PPP1R12A: variants seen among roughly 807,000 people sequenced by gnomAD.
The protein encoded by PPP1R12A is protein phosphatase 1 regulatory subunit 12A.
PPP1R12A carries 19 observed loss-of-function variants against 139.6 expected under a neutral mutation model. The ratio of observed to expected loss-of-function variants is 0.14; its 90% CI spans 0.09 to 0.20. The LOEUF (loss-of-function observed/expected upper bound fraction) is 0.20. Ranked by LOEUF, PPP1R12A falls within the 10% of genes least tolerant of loss-of-function variation. The pLI is 1.00. For missense variants in PPP1R12A, 925 were observed against 1,211.5 expected (o/e 0.76, Z 3.51); for synonymous variants, 427 against 420.6 (o/e 1.02, Z -0.19).
At chr12:79,817,075 G>GA (rs56898555) in intron 9 of PPP1R12A, among the ~76,000 whole-genome samples, 17 of 146,398 alleles carry the variant, frequency 1.2e-4, no homozygotes, top group South Asian at 6.5e-4. Context: ...AAGTTCAATA[G>GA]AAAAAAAAAA....
intron 2 of PPP1R12A, among the ~76,000 whole-genome samples, chr12:79,851,406 C>T (rs560612095): frequency 1.8e-4 from 27 of 152,268 alleles, no homozygotes; most frequent in African/African-American, 6.5e-4. Flanking sequence ...AAGTTCTGAC[C>T]TCAGACCTTT....
intron 1 of PPP1R12A, among the ~76,000 whole-genome samples, chr12:79,903,514 A>G (rs967074700): frequency 1.3e-5 from 2 of 152,170 alleles, no homozygotes; most frequent in African/African-American, 4.8e-5. Context: ...CATGAAGCGT[A>G]AATTAATTTC....
Position 79,934,722 on chromosome 12 carries a change from A to G in PPP1R12A, c.210T>C (p.Asn70=). The G allele has an allele frequency of 1.9e-6, 3 of 1,548,048 alleles. No individual in the cohort carries two copies. Among genetic ancestry groups the G allele is most frequent in the African/African-American group, 1.4e-5 (1 of 73,142 alleles). Reference sequence around the variant, plus strand: ...GGTGCAGGGCAGTGAGTCCGTCCACATTGGCGTAATTGATGTCGGCGCCGC... The same window carrying G: ...GGTGCAGGGCAGTGAGTCCGTCCACGTTGGCGTAATTGATGTCGGCGCCGC... ...LHRGADINYA[N]VDGLTALHQA... The change falls in exon 1 of 25, where the codon AAT becomes AAC. Residue 70 remains asparagine (N), a synonymous_variant. Coordinates refer to ENST00000450142, the MANE Select transcript of PPP1R12A (RefSeq NM_002480.3).
intron 3 of PPP1R12A, among the ~76,000 whole-genome samples, chr12:79,836,046 A>G (rs1016826045): frequency 6.6e-6 from 1 of 152,240 alleles, no homozygotes; most frequent in Non-Finnish European, 1.5e-5. Context: ...GTCATCTTCA[A>G]ACTAGAGATT....
At chr12:79,867,092 TG>T (rs1368898031) in intron 2 of PPP1R12A, among the ~76,000 whole-genome samples, 1 of 152,158 alleles carries the variant, frequency 6.6e-6, no homozygotes, top group Non-Finnish European at 1.5e-5. Flanking sequence ...AATGACAGAC[TG>T]GGTTAAGCAA....
At chr12:79,779,839 A>G (rs1315246974) in intron 23 of PPP1R12A, 3 of 159,016 alleles carry the variant, frequency 1.9e-5, no homozygotes, top group Admixed American at 1.2e-4. Context: ...GCCTGATTCT[A>G]TTAGCTCAAT....
At chr12:79,838,901 G>A (rs540930785) in intron 3 of PPP1R12A, among the ~76,000 whole-genome samples, 1 of 152,308 alleles carries the variant, frequency 6.6e-6, no homozygotes, top group South Asian at 2.1e-4. Context: ...TCCCCACTGG[G>A]GTACTGCCTA....
chr12:79,806,044 T>C, intron 13 of PPP1R12A, 122 bp downstream of exon 13: 1 of 1,320,474 alleles, frequency 7.6e-7, no homozygotes, highest in Non-Finnish European at 1.0e-6. Flanking sequence ...CCAATTTTTG[T>C]CTGCAAATAA....
chr12:79,832,459 C>G lies in PPP1R12A; in HGVS notation c.520G>C (p.Glu174Gln). ...VDIEAARKEE[E>Q]RIMLRDARQW... ...CTGGCATCTCTAAGCATGATCCGTT[C>G]TTCTTCCTTTCGAGCTGCTTCTATA... is the stretch of plus-strand genomic sequence containing the variant. The change falls in exon 4 of 25, where the codon GAA becomes CAA. Residue 174 changes from glutamate (E) to glutamine (Q), a missense_variant. Around this residue, in one of 4 missense-constraint regions of PPP1R12A, gnomAD observed 199 missense variants for 352.4 expected, o/e 0.56. Coordinates refer to ENST00000450142, the MANE Select transcript of PPP1R12A (RefSeq NM_002480.3). The G allele has an allele frequency of 6.2e-7, 1 of 1,610,710 alleles. No homozygotes were observed. The highest frequency in any genetic ancestry group is 8.5e-7 in the Non-Finnish European group (1 of 1,178,750).
At chr12:79,861,875 G>T (rs1271982949) in intron 2 of PPP1R12A, among the ~76,000 whole-genome samples, 1 of 152,128 alleles carries the variant, frequency 6.6e-6, no homozygotes, top group Non-Finnish European at 1.5e-5. Flanking sequence ...AATCCACTCT[G>T]GGGGCAGGGC....
chr12:79,775,096 T>C lies in PPP1R12A; in HGVS notation c.*833A>G, dbSNP rs1285240187. The stretch of plus-strand genomic sequence containing the variant: ...TCTAAAAATCAAAACAATACACTTA[T>C]TTGTATATACAGCATCACTCAGTAC... On this transcript the variant is annotated 3_prime_UTR_variant, in exon 25 of 25. Coordinates refer to ENST00000450142, the MANE Select transcript of PPP1R12A (RefSeq NM_002480.3). 1.3e-5 allele frequency: 2 copies of C among 152,554 alleles called. No individual in the cohort carries two copies. The highest frequency in any genetic ancestry group is 3.8e-4 in the East Asian group (2 of 5,200). 9.5% of individuals were successfully genotyped at this position (152,554 alleles called of 1,614,324 possible).
At chr12:79,900,960 A>G (rs755339555) in intron 1 of PPP1R12A, among the ~76,000 whole-genome samples, 9 of 152,182 alleles carry the variant, frequency 5.9e-5, no homozygotes, top group African/African-American at 9.7e-5. Context: ...TCATACCATT[A>G]AACATTTCCT....
chr12:79,788,725 C>T lies in PPP1R12A; in HGVS notation c.2725G>A (p.Gly909Arg). 1 of 1,613,012 alleles carries T rather than the reference C, an allele frequency of 6.2e-7. No homozygotes were observed. Among genetic ancestry groups the T allele is most frequent in the African/African-American group, 1.3e-5 (1 of 74,966 alleles). ...DRYDSLLGRS[G>R]SYSYLEERKP... ...CTTTCTTCTAAGTAACTGTATGATC[C>T]AGAGCGACCCAGCAAGGAATCATAT... is the stretch of plus-strand genomic sequence containing the variant. Residue 909 changes from glycine to arginine, a missense_variant, in exon 21 of 25, where the codon GGA (glycine) becomes AGA (arginine). By Grantham distance (125) the Gly-to-Arg change is moderately radical (BLOSUM62 -2). Transcript: ENST00000450142.
intron 14 of PPP1R12A, among the ~76,000 whole-genome samples, chr12:79,802,102 C>G (rs149990744): frequency 3.1e-4 from 47 of 152,216 alleles, no homozygotes; most frequent in South Asian, 8.3e-4. Flanking sequence ...ATAAGAGGGG[C>G]TTGTTATAGA....
At chr12:79,878,132 A>G (rs919921438) in intron 1 of PPP1R12A, among the ~76,000 whole-genome samples, 8 of 152,146 alleles carry the variant, frequency 5.3e-5, no homozygotes, top group African/African-American at 7.2e-5. Flanking sequence ...AGGGATATAC[A>G]TAAGTGAAAT....
At chr12:79,928,622 T>C (rs940074080) in intron 1 of PPP1R12A, among the ~76,000 whole-genome samples, 8 of 152,196 alleles carry the variant, frequency 5.3e-5, no homozygotes, top group African/African-American at 1.9e-4. Context: ...AGTTATCCAG[T>C]AGGTTCTTCC....
intron 4 of PPP1R12A, among the ~76,000 whole-genome samples, chr12:79,829,231 A>G (rs1877132420): frequency 6.6e-6 from 1 of 152,158 alleles, no homozygotes; most frequent in South Asian, 2.1e-4. Context: ...AACTGCACAT[A>G]GCATAGCCCC....
chr12:79,858,134 G>A (rs951565308), intron 2 of PPP1R12A, among the ~76,000 whole-genome samples: 4 of 152,088 alleles, frequency 2.6e-5, no homozygotes, highest in African/African-American at 4.8e-5. Context: ...TGAAATTCAT[G>A]GATCTGCCAA....
At chr12:79,893,337 C>T (rs1288364795) in intron 1 of PPP1R12A, among the ~76,000 whole-genome samples, 2 of 152,060 alleles carry the variant, frequency 1.3e-5, no homozygotes, top group Admixed American at 6.6e-5. Context: ...TATAACATAC[C>T]TGTCCTAACA....
Sources: allele counts gnomAD v4.1 joint callset (sites outside exome capture counted in the v4.1 genomes callset), GRCh38; gene constraint gnomAD v4.1.1; regional missense constraint gnomAD v4.1.1; transcripts MANE v1.5; gene names NCBI Gene and HGNC (gene_info 2026-07-23, HGNC 2026-07-21).